The following ANO6 variants were observed in gnomAD, a reference collection of about 807,000 sequenced individuals.
ANO6 encodes anoctamin 6.
ANO6 carries 106 observed loss-of-function variants against 117.5 expected under a neutral mutation model. The observed-to-expected ratio is 0.90, with a 90% CI of 0.77 to 1.06. ANO6 has a LOEUF of 1.06. ANO6 is among the 50% of genes least tolerant of loss of function. The probability of loss-of-function intolerance (pLI) is 0.00; values close to 1 mark genes in which losing one functional copy is unlikely to be tolerated. For synonymous variants in ANO6, 367 were observed against 385.1 expected (o/e 0.95, Z 0.55); for missense variants, 955 against 1,121.1 (o/e 0.85, Z 2.12).
chr12:45,403,416 G>C (rs1254324963), intron 14 of ANO6, 23 bp from the exon 15 acceptor site: 1 of 1,585,636 alleles, frequency 6.3e-7, no homozygotes, highest in Admixed American at 1.7e-5. Context: ...TATTTAAATG[G>C]TATTTTCTTT....
intron 2 of ANO6, among the ~76,000 whole-genome samples, chr12:45,322,388 T>G (rs117752957): frequency 0.012 from 1,794 of 152,178 alleles, 18 homozygotes; most frequent in Admixed American, 0.038. Context: ...GTCAAAAGAC[T>G]AATGAGAAAG....
intron 8 of ANO6, among the ~76,000 whole-genome samples, chr12:45,359,430 C>T (rs1941497426): frequency 6.6e-6 from 1 of 151,712 alleles, no homozygotes; most frequent in Non-Finnish European, 1.5e-5. Context: ...AACCAGTGCC[C>T]ATTAGCACTC....
intron 1 of ANO6, among the ~76,000 whole-genome samples, chr12:45,286,317 G>T (rs571821687): frequency 6.6e-6 from 1 of 152,076 alleles, no homozygotes; most frequent in Non-Finnish European, 1.5e-5. Context: ...AATCTTAACC[G>T]TAAAGGCATT....
chr12:45,397,499 G>C (rs913838693), intron 12 of ANO6, among the ~76,000 whole-genome samples: 1 of 152,158 alleles, frequency 6.6e-6, no homozygotes, highest in African/African-American at 2.4e-5. Context: ...ATATCCAAAA[G>C]ATTATAAATC....
intron 2 of ANO6, among the ~76,000 whole-genome samples, chr12:45,323,311 C>A (rs962962615): frequency 2.0e-5 from 3 of 152,190 alleles, no homozygotes; most frequent in African/African-American, 7.2e-5. Context: ...TTCAGTTAAT[C>A]TGGTTGCCCA....
chr12:45,261,386 A>T (rs1188823791), intron 1 of ANO6, among the ~76,000 whole-genome samples: 2 of 152,310 alleles, frequency 1.3e-5, no homozygotes, highest in South Asian at 4.2e-4. Context: ...AAAGAGGGGA[A>T]AGGAAGGAAA....
At chr12:45,371,261 C>T (rs1276648196) in intron 9 of ANO6, among the ~76,000 whole-genome samples, 2 of 152,204 alleles carry the variant, frequency 1.3e-5, no homozygotes, top group Non-Finnish European at 2.9e-5. Context: ...GATCAAACTG[C>T]AAGGCGGCAG....
At chr12:45,231,383 A>G (rs146824282) in intron 1 of ANO6, among the ~76,000 whole-genome samples, 87 of 152,336 alleles carry the variant, frequency 5.7e-4, no homozygotes, top group Middle Eastern at 6.8e-3. Context: ...GACTCAACCT[A>G]TAACCAAATG....
At chr12:45,267,623 T>C (rs1938261254) in intron 1 of ANO6, among the ~76,000 whole-genome samples, 1 of 151,930 alleles carries the variant, frequency 6.6e-6, no homozygotes, top group Non-Finnish European at 1.5e-5. Context: ...AAACCCCGTC[T>C]CTACTAAAAA....
At chr12:45,349,780 G>A (rs944410899) in intron 6 of ANO6, among the ~76,000 whole-genome samples, 5 of 152,206 alleles carry the variant, frequency 3.3e-5, no homozygotes, top group East Asian at 1.9e-4. Flanking sequence ...CAGCCTGAGA[G>A]TCCATGTGTT....
intron 19 of ANO6, among the ~76,000 whole-genome samples, chr12:45,424,069 A>C (rs1251134811): frequency 6.6e-6 from 1 of 151,990 alleles, no homozygotes; most frequent in African/African-American, 2.4e-5. Context: ...CAGGGAAGAC[A>C]AGTAACTCAC....
At chr12:45,349,735 T>A (rs1347140392) in intron 6 of ANO6, among the ~76,000 whole-genome samples, 1 of 152,138 alleles carries the variant, frequency 6.6e-6, no homozygotes, top group Non-Finnish European at 1.5e-5. Flanking sequence ...CTGGGTGAGG[T>A]AAATACTGAT....
chr12:45,398,716 T>C (rs1942699345), intron 12 of ANO6, among the ~76,000 whole-genome samples: 1 of 152,176 alleles, frequency 6.6e-6, no homozygotes, highest in Non-Finnish European at 1.5e-5. Flanking sequence ...CATGAAGATT[T>C]TTTAAGGCAC....
At chr12:45,355,970 T>C (rs1941400961) in intron 7 of ANO6, among the ~76,000 whole-genome samples, 1 of 152,140 alleles carries the variant, frequency 6.6e-6, no homozygotes, top group South Asian at 2.1e-4. Flanking sequence ...ATCGTACAGA[T>C]CAAGATGAAG....
At chr12:45,368,793 T>C (rs1248228745) in intron 9 of ANO6, among the ~76,000 whole-genome samples, 1 of 152,240 alleles carries the variant, frequency 6.6e-6, no homozygotes, top group Non-Finnish European at 1.5e-5. Flanking sequence ...TTTAACGGAA[T>C]GTATTGCTGT....
chr12:45,428,884 C>T (rs1188823091), intron 19 of ANO6, among the ~76,000 whole-genome samples: 1 of 152,110 alleles, frequency 6.6e-6, no homozygotes, highest in African/African-American at 2.4e-5. Flanking sequence ...TGTATATATA[C>T]TTTTCTACAT....
At chr12:45,248,307 TC>T (rs1431613543) in intron 1 of ANO6, among the ~76,000 whole-genome samples, 1 of 152,156 alleles carries the variant, frequency 6.6e-6, no homozygotes, top group East Asian at 1.9e-4. Context: ...AGCCTGTACT[TC>T]CATTGCCCTG....
chr12:45,356,914 T>C (rs113546368), intron 7 of ANO6, among the ~76,000 whole-genome samples: 7 of 152,344 alleles, frequency 4.6e-5, no homozygotes, highest in Non-Finnish European at 7.3e-5. Context: ...ACTGAGCAGA[T>C]TGTTCATGTT....
At chr12:45,359,473 C>CAACCAACAG (rs770113600) in intron 8 of ANO6, among the ~76,000 whole-genome samples, 7 of 152,246 alleles carry the variant, frequency 4.6e-5, no homozygotes, top group Non-Finnish European at 5.9e-5. Flanking sequence ...TGGCCCCTGG[C>CAACCAACAG]AACCAACAGT....
Sources: gnomAD v4.1 joint callset for allele counts (sites outside exome capture counted in the v4.1 genomes callset) on GRCh38, gnomAD v4.1.1 for gene constraint, MANE v1.5 for transcripts, NCBI Gene and HGNC (gene_info 2026-07-23, HGNC 2026-07-21) for gene names.